Variants in LRRC49 observed in about 807,000 individuals in gnomAD.
LRRC49 encodes leucine rich repeat containing 49.
LRRC49 carries 50 observed loss-of-function variants against 83.3 expected under a neutral mutation model. That is an observed-to-expected ratio of 0.60 (90% confidence interval 0.48 to 0.76). The LOEUF (loss-of-function observed/expected upper bound fraction) is 0.76. Among genes scored for constraint, LRRC49 ranks in the 30% least tolerant of loss-of-function variants. The probability of loss-of-function intolerance (pLI) is 0.00; values close to 1 mark genes in which losing one functional copy is unlikely to be tolerated. For synonymous variants in LRRC49, 286 were observed against 283.3 expected (o/e 1.01, Z -0.10); for missense variants, 704 against 809.1 (o/e 0.87, Z 1.58).
chr15:70,896,116 A>T (rs2033825741), intron 3 of LRRC49, among the ~76,000 whole-genome samples, 180 bp downstream of exon 3: 3 of 152,122 alleles, frequency 2.0e-5, no homozygotes, highest in Admixed American at 2.0e-4. Flanking sequence ...ATAGTAGATT[A>T]TTTCCAATAC....
intron 3 of LRRC49, among the ~76,000 whole-genome samples, chr15:70,897,022 C>G (rs919883413): frequency 3.9e-5 from 6 of 152,114 alleles, no homozygotes; most frequent in Non-Finnish European, 7.4e-5. Flanking sequence ...GTTTTAGGTA[C>G]AGAATTATAG....
At chr15:70,923,953 T>G (rs554789835) in intron 7 of LRRC49, among the ~76,000 whole-genome samples, 2 of 152,100 alleles carry the variant, frequency 1.3e-5, no homozygotes, top group African/African-American at 4.8e-5. Flanking sequence ...CTCAGGAAAT[T>G]AACATTGATA....
chr15:70,886,068 T>C (rs2033399254), intron 2 of LRRC49, among the ~76,000 whole-genome samples: 1 of 152,152 alleles, frequency 6.6e-6, no homozygotes, highest in South Asian at 2.1e-4. Flanking sequence ...AAAAATATAC[T>C]TCTAATTAAC....
intron 14 of LRRC49, among the ~76,000 whole-genome samples, chr15:71,015,164 A>G (rs1047084947): frequency 6.6e-6 from 1 of 152,198 alleles, no homozygotes; most frequent in Admixed American, 6.5e-5. Flanking sequence ...AGAAAACAAA[A>G]TACAAATGCC....
At position 70,879,138 on chromosome 15, in the gene LRRC49, C is replaced by T. The variant is rs189351155; in HGVS notation, c.18+5915C>T. On this transcript the variant is annotated intron_variant, in intron 2 of 16. Transcript: ENST00000544974. ...CTTTAACAGATATAGGCGCTTCAGA[C>T]TTTCTGTTTCTCCTTGTGCCAGTTT... Among the ~76,000 whole-genome samples, 7 of 152,318 alleles carry T rather than the reference C, an allele frequency of 4.6e-5. No homozygotes were observed. In the East Asian group the frequency reaches 1.3e-3, roughly 29 times the overall value.
intron 8 of LRRC49, among the ~76,000 whole-genome samples, chr15:70,944,684 C>T (rs1216376712): frequency 6.6e-6 from 1 of 152,138 alleles, no homozygotes; most frequent in Non-Finnish European, 1.5e-5. Context: ...TGATTACAGG[C>T]GTGAGCCACT....
intron 14 of LRRC49, among the ~76,000 whole-genome samples, chr15:71,019,727 T>C (rs1279026379): frequency 6.6e-6 from 1 of 152,230 alleles, no homozygotes; most frequent in African/African-American, 2.4e-5. Flanking sequence ...AAAGCAGTCC[T>C]CATATAGATG....
At chr15:70,893,723 GA>G in intron 2 of LRRC49, 83 bp downstream of exon 2, 3 of 1,049,804 alleles carry the variant, frequency 2.9e-6, no homozygotes, top group Non-Finnish European at 4.3e-6. Context: ...AGTGTAGATA[GA>G]TTCTAAACTG....
intron 8 of LRRC49, among the ~76,000 whole-genome samples, chr15:70,946,085 T>C (rs991845845): frequency 6.6e-6 from 1 of 152,200 alleles, no homozygotes; most frequent in African/African-American, 2.4e-5. Context: ...TTTTTTGTAA[T>C]AACATTTAAT....
intron 11 of LRRC49, among the ~76,000 whole-genome samples, chr15:71,003,752 A>G (rs769654926): frequency 3.5e-4 from 53 of 152,342 alleles, no homozygotes; most frequent in Non-Finnish European, 6.8e-4. Context: ...CTGAAACTCA[A>G]AGAATTGAAT....
At chr15:70,882,711 A>G (rs1313685570) in intron 2 of LRRC49, 1 of 1,612,734 alleles carries the variant, frequency 6.2e-7, no homozygotes, top group Non-Finnish European at 8.5e-7. Flanking sequence ...TATCTTTAAT[A>G]TACGAAAGAT....
At chr15:70,871,294 C>T (rs2033028599) in intron 1 of LRRC49, among the ~76,000 whole-genome samples, 1 of 152,106 alleles carries the variant, frequency 6.6e-6, no homozygotes. Context: ...TAACAGCATC[C>T]CAAGGCAGAA....
intron 11 of LRRC49, among the ~76,000 whole-genome samples, chr15:70,985,396 T>C (rs2037568998): frequency 6.6e-6 from 1 of 152,196 alleles, no homozygotes; most frequent in South Asian, 2.1e-4. Context: ...ATGAGCATTT[T>C]TTCATGTGTT....
At chr15:71,038,871 A>G (rs1290101349) in intron 15 of LRRC49, among the ~76,000 whole-genome samples, 1 of 152,150 alleles carries the variant, frequency 6.6e-6, no homozygotes, top group East Asian at 1.9e-4. Flanking sequence ...TTCAAAAATC[A>G]TGTATTGAAC....
intron 5 of LRRC49, among the ~76,000 whole-genome samples, chr15:70,909,879 A>ACACACACACACACACAC (rs765588937): frequency 2.3e-4 from 18 of 76,982 alleles, no homozygotes; most frequent in Middle Eastern, 6.3e-3. Flanking sequence ...CACACACACA[A>ACACACACACACACACAC]AACAAACAAA....
intron 9 of LRRC49, among the ~76,000 whole-genome samples, chr15:70,977,418 G>A (rs1319201119): frequency 6.6e-6 from 1 of 152,192 alleles, no homozygotes; most frequent in African/African-American, 2.4e-5. Flanking sequence ...GCTGAAGTGG[G>A]CAGATCACAT....
At chr15:71,049,243 A>C (rs1014705786) in intron 15 of LRRC49, among the ~76,000 whole-genome samples, 166 bp from the exon 16 acceptor site, 3 of 152,144 alleles carry the variant, frequency 2.0e-5, no homozygotes, top group African/African-American at 7.2e-5. Context: ...ACTCAAGCAG[A>C]ACTCTGTCAG....
chr15:70,992,766 G>C (rs1260948866), intron 11 of LRRC49, among the ~76,000 whole-genome samples: 1 of 152,222 alleles, frequency 6.6e-6, no homozygotes, highest in Admixed American at 6.5e-5. Context: ...AGGGGTACCT[G>C]GCTGTGTGAG....
chr15:70,967,952 CT>C (rs58530738), intron 9 of LRRC49, among the ~76,000 whole-genome samples: 9,388 of 141,456 alleles, frequency 0.066, 811 homozygotes, highest in African/African-American at 0.21. Context: ...GATGAAGTAA[CT>C]TTTTTTTTTT....
Sources: gnomAD v4.1 joint callset for allele counts (sites outside exome capture counted in the v4.1 genomes callset) on GRCh38, gnomAD v4.1.1 for gene constraint, MANE v1.5 for transcripts, NCBI Gene and HGNC (gene_info 2026-07-23, HGNC 2026-07-21) for gene names.